Variants in NEK6 observed in about 807,000 individuals in gnomAD.
NEK6 encodes serine/threonine-protein kinase Nek6.
In NEK6, 27 loss-of-function variants were observed where a neutral mutation model predicts 43.5. That is an observed-to-expected ratio of 0.62 (90% CI 0.46 to 0.86). The LOEUF is 0.86. Ranked by LOEUF, NEK6 falls within the 40% of genes least tolerant of loss-of-function variation. The pLI is 0.00. For missense variants in NEK6, 318 were observed against 414.4 expected, an observed-to-expected ratio of 0.77 and a Z score of 2.02; for synonymous variants, 167 against 164.1, an observed-to-expected ratio of 1.02 and a Z score of -0.14.
intron 1 of NEK6, chr9:124,292,003 C>T (rs1172226367): frequency 2.0e-6 from 2 of 989,338 alleles, no homozygotes; most frequent in Non-Finnish European, 2.4e-6. Flanking sequence ...CGACCCAGCT[C>T]CCTGGAGGCC....
intron 8 of NEK6, among the ~76,000 whole-genome samples, chr9:124,346,827 C>T (rs911109833): frequency 1.2e-4 from 19 of 152,324 alleles, no homozygotes; most frequent in Admixed American, 9.8e-4. Flanking sequence ...ACAGGCCTTT[C>T]GCTCCCCCGT....
At chr9:124,302,145 A>T (rs1833015316) in intron 2 of NEK6, 91 bp downstream of exon 2, 2 of 933,828 alleles carry the variant, frequency 2.1e-6, no homozygotes, top group South Asian at 3.3e-5. Context: ...CTACTGGTGG[A>T]AACCCTTCAG....
intron 1 of NEK6, among the ~76,000 whole-genome samples, chr9:124,281,764 G>T (rs1588453954): frequency 6.6e-6 from 1 of 152,166 alleles, no homozygotes; most frequent in Non-Finnish European, 1.5e-5. Flanking sequence ...CTCCCAAAGT[G>T]CTGGGATTAC....
intron 1 of NEK6, among the ~76,000 whole-genome samples, chr9:124,260,156 AC>A (rs1443567694): frequency 5.9e-5 from 9 of 152,048 alleles, no homozygotes; most frequent in Admixed American, 2.6e-4. Context: ...ATCCGAAGTC[AC>A]CTGCCCAGCC....
upstream of NEK6, chr9:124,257,775 C>A: frequency 6.8e-7 from 1 of 1,472,078 alleles, no homozygotes; most frequent in East Asian, 2.7e-5. Flanking sequence ...GGTTCCTCGG[C>A]CGAGCGGATC....
rs1400503169 is a variant in NEK6 at position 124,343,389 on chromosome 9, C to T, written c.717+3724C>T. On this transcript the variant is annotated intron_variant, in intron 8 of 9. Transcript: ENST00000320246. This position sits in a 1 kb window ranked among gnomAD's most constrained non-coding sequence, Gnocchi z 5.1. ...AGTGAATGAAACACAGCAGTCAAGC[C>T]CTGAGGGGATTAGCGTCCTCAGGGA... Among the ~76,000 whole-genome samples the T allele has an allele frequency of 8.0e-4, 121 of 152,186 alleles. 2 individuals are homozygous for T. The highest frequency in any genetic ancestry group is 2.9e-5 in the Non-Finnish European group (2 of 67,974).
intron 1 of NEK6, among the ~76,000 whole-genome samples, chr9:124,301,423 C>T (rs79911568): frequency 0.021 from 3,183 of 152,288 alleles, 131 homozygotes; most frequent in African/African-American, 0.072. Context: ...CTGTGTCACA[C>T]GTGTGGTGCG....
chr9:124,341,094 G>A (rs1405818681), intron 8 of NEK6, among the ~76,000 whole-genome samples: 3 of 152,164 alleles, frequency 2.0e-5, no homozygotes, highest in Non-Finnish European at 2.9e-5. Context: ...CCGGGCTGGA[G>A]GGCAGTGGCG....
chr9:124,307,608 G>A (rs1833321420), intron 2 of NEK6, among the ~76,000 whole-genome samples: 1 of 152,218 alleles, frequency 6.6e-6, no homozygotes, highest in South Asian at 2.1e-4. Flanking sequence ...CCCTCGATCA[G>A]TCTCCTCTGC....
At chr9:124,299,396 T>C (rs765449997) in intron 1 of NEK6, among the ~76,000 whole-genome samples, 1 of 152,212 alleles carries the variant, frequency 6.6e-6, no homozygotes, top group Non-Finnish European at 1.5e-5. Flanking sequence ...TTCAAATTCA[T>C]GCGCATTTTA....
intron 1 of NEK6, among the ~76,000 whole-genome samples, chr9:124,263,529 C>T (rs1831114181): frequency 2.0e-5 from 3 of 152,214 alleles, no homozygotes; most frequent in Admixed American, 2.0e-4. Context: ...TTCAGATGCT[C>T]AGCGCCTTTT....
rs142138494 is a variant in NEK6 at position 124,266,785 on chromosome 9, G to A, written c.-30+8700G>A. ...GATCCTTGGAGAATGTTTATATGGA[G>A]TGAACGAATCTGTTAGCAAACGTTC... On this transcript the variant is annotated intron_variant, in intron 1 of 9. Transcript: ENST00000320246. Among the ~76,000 whole-genome samples, 14 of 152,362 alleles carry A rather than the reference G, an allele frequency of 9.2e-5. 1 individual carries two copies. The highest frequency in any genetic ancestry group is 3.4e-4 in the African/African-American group (14 of 41,580).
At chr9:124,339,019 ATTTTTTTTT>A (rs538411121) in intron 7 of NEK6, among the ~76,000 whole-genome samples, 1 of 61,784 alleles carries the variant, frequency 1.6e-5, no homozygotes, top group Non-Finnish European at 2.9e-5. Context: ...CCCCATCCTG[ATTTTTTTTT>A]TTTTTTTTTT....
intron 1 of NEK6, among the ~76,000 whole-genome samples, chr9:124,270,291 C>A (rs1311515111): frequency 6.6e-6 from 1 of 152,182 alleles, no homozygotes; most frequent in African/African-American, 2.4e-5. Context: ...CCTAGAAGTT[C>A]ACCCCACAAG....
At chr9:124,318,709 C>T (rs111892608) in intron 4 of NEK6, among the ~76,000 whole-genome samples, 18 of 151,770 alleles carry the variant, frequency 1.2e-4, no homozygotes, top group African/African-American at 4.4e-4. Context: ...TCTTGCTCAG[C>T]CACCCAGGCT....
intron 7 of NEK6, among the ~76,000 whole-genome samples, chr9:124,330,280 T>C (rs189990339): frequency 6.6e-6 from 1 of 152,330 alleles, no homozygotes; most frequent in East Asian, 1.9e-4. Flanking sequence ...CAGGAAGGAT[T>C]GCATACATAA....
At chr9:124,341,351 C>G (rs1428712526) in intron 8 of NEK6, among the ~76,000 whole-genome samples, 12 of 151,968 alleles carry the variant, frequency 7.9e-5, no homozygotes, top group Admixed American at 7.9e-4. Context: ...TGCTTGGGAC[C>G]CCTTCTCCCG....
At chr9:124,314,088 C>G in intron 4 of NEK6, 103 bp downstream of exon 4, 1 of 1,002,688 alleles carries the variant, frequency 1.0e-6, no homozygotes, top group South Asian at 1.4e-5. Flanking sequence ...GCCAGGAATC[C>G]GCAGCCCCTG....
intron 1 of NEK6, chr9:124,258,509 T>C (rs1377986629): frequency 2.4e-5 from 6 of 249,940 alleles, no homozygotes; most frequent in Non-Finnish European, 3.8e-5. Flanking sequence ...CCAAAGTGAT[T>C]TGTGTGCAAG....
Sources: allele counts gnomAD v4.1 joint callset (sites outside exome capture counted in the v4.1 genomes callset), GRCh38; gene constraint gnomAD v4.1.1; non-coding constraint Gnocchi (gnomAD v3.1); transcripts MANE v1.5; gene names NCBI Gene and HGNC (gene_info 2026-07-23, HGNC 2026-07-21).